PLPPR4: variants seen among roughly 807,000 people sequenced by gnomAD.
The protein encoded by PLPPR4 is phospholipid phosphatase related 4, also known as phospholipid phosphatase-related protein type 4.
A neutral mutation model predicts 56.6 loss-of-function variants in PLPPR4; 24 were observed. That is an observed-to-expected ratio of 0.42 (90% CI 0.31 to 0.60). The LOEUF is 0.60. Among genes scored for constraint, PLPPR4 ranks in the 20% least tolerant of loss-of-function variants. The pLI is 0.13. For missense variants in PLPPR4, 654 were observed against 885.8 expected, an observed-to-expected ratio of 0.74 and a Z score of 3.32; for synonymous variants, 326 against 328.1, an observed-to-expected ratio of 0.99 and a Z score of 0.07.
chr1:99,288,122 G>C lies in PLPPR4; in HGVS notation c.236G>C (p.Ser79Thr), dbSNP rs752652696. 12 of 1,613,258 alleles carry C rather than the reference G, an allele frequency of 7.4e-6. No individual in the cohort carries two copies. Among genetic ancestry groups the C allele is most frequent in the Non-Finnish European group, 9.3e-6 (11 of 1,179,676 alleles). The change falls in exon 2 of 7, where the codon AGC becomes ACC. Residue 79 changes from serine (S) to threonine (T), a missense_variant. By Grantham distance (58) the Ser-to-Thr change is moderately conservative. This residue lies in a region of PLPPR4 where 186 missense variants were observed against 331.4 expected (regional missense o/e 0.56). Transcript: ENST00000370185. Reference sequence around the variant, plus strand: ...GCAATTCCATTCCTCATGTTGCTTAGCTTGGCTTTTGCTGGACCTGCAATT... The same window carrying C: ...GCAATTCCATTCCTCATGTTGCTTACCTTGGCTTTTGCTGGACCTGCAATT... Reference protein sequence around the residue: ...QEAIPFLMLLSLAFAGPAITI... With the variant: ...QEAIPFLMLLTLAFAGPAITI...
At chr1:99,297,306 A>G (rs892684560) in intron 3 of PLPPR4, among the ~76,000 whole-genome samples, 1 of 152,138 alleles carries the variant, frequency 6.6e-6, no homozygotes, top group African/African-American at 2.4e-5. Flanking sequence ...ACACTTTGAA[A>G]TGTCACTATT....
At position 99,309,562 on chromosome 1, in the gene PLPPR4, A is replaced by C. The variant is rs1313140072; in HGVS notation, c.*2552A>C. 6.6e-6 allele frequency: 1 copy of C among 152,616 alleles called. No individual in the cohort carries two copies. 9.5% of individuals were successfully genotyped at this position (152,616 alleles called of 1,614,324 possible). ...ATATTGTGCTAAAATCATAGAAATA[A>C]AGATTAGATTTCTTCATCAAAATTG... On this transcript the variant is annotated 3_prime_UTR_variant, in exon 7 of 7. Coordinates refer to ENST00000370185, the MANE Select transcript of PLPPR4 (RefSeq NM_014839.5).
In PLPPR4 at chr1:99,264,522, G is replaced by A; in HGVS notation, c.-72G>A. 6.4e-7 allele frequency: 1 copy of A among 1,550,432 alleles called. No homozygotes were observed. The highest frequency in any genetic ancestry group is 8.7e-7 in the Non-Finnish European group (1 of 1,147,394). On this transcript the variant is annotated 5_prime_UTR_variant, in exon 1 of 7. Coordinates refer to ENST00000370185, the MANE Select transcript of PLPPR4 (RefSeq NM_014839.5). ...CGGCGCCGGGCGCTTGGGGCTGGAG[G>A]AGGCAGCTCGCCTCAGCTGCGCTGT... is the stretch of plus-strand genomic sequence containing the variant.
At chr1:99,263,146 C>A (rs184897676), upstream of PLPPR4, among the ~76,000 whole-genome samples, 253 of 152,184 alleles carry the variant, frequency 1.7e-3, no homozygotes, top group African/African-American at 5.9e-3. Context: ...GTGGGGGCAA[C>A]TCCAGGACCT....
intron 1 of PLPPR4, among the ~76,000 whole-genome samples, chr1:99,273,727 T>A (rs1173898755): frequency 6.6e-6 from 1 of 152,136 alleles, no homozygotes; most frequent in African/African-American, 2.4e-5. Flanking sequence ...AATGGAATCA[T>A]CACTGGCATA....
rs36036890 is a variant in PLPPR4, at chr1:99,265,144, G to GCC, written c.78+484_78+485dup. 1.0e-3 allele frequency among the ~76,000 whole-genome samples: 142 copies of GCC among 140,878 alleles called. 2 individuals carry two copies. The Middle Eastern group carries it at 0.011, about 11-fold the overall frequency. The allele number at this position is 140,878 out of a possible 152,430, so 92.4% of individuals were successfully genotyped here. A position where few individuals can be genotyped will look rare whatever the true frequency, so the allele number is the denominator to read the frequency against. On this transcript the variant is annotated intron_variant, in intron 1 of 6. Coordinates refer to ENST00000370185, the MANE Select transcript of PLPPR4 (RefSeq NM_014839.5). ...ATTGTTAATTGCTTTTATTGCTCCT[G>GCC]CCCCCCCCCCCCAAATCCTTCTCCT...
intron 1 of PLPPR4, among the ~76,000 whole-genome samples, chr1:99,277,382 G>T (rs1437435641): frequency 6.6e-6 from 1 of 152,186 alleles, no homozygotes; most frequent in African/African-American, 2.4e-5. Context: ...TAATGTTTCA[G>T]TCAGAATTGT....
In PLPPR4 at chr1:99,306,627, C is replaced by T. The variant is rs1486177221; in HGVS notation, c.1765C>T (p.Pro589Ser). 2 of 1,614,070 alleles carry T rather than the reference C, an allele frequency of 1.2e-6. No individual in the cohort carries two copies. Among genetic ancestry groups the T allele is most frequent in the East Asian group, 2.2e-5 (1 of 44,842 alleles). ...PENNRPIIQI[P>S]STEGEGSGSW... ...GAACAACAGGCCCATCATACAGATC[C>T]CGTCCACTGAAGGTGAAGGCAGTGG... The change falls in exon 7 of 7, where the codon CCG becomes TCG. Residue 589 changes from proline (P) to serine (S), a missense_variant. This residue lies in a region of PLPPR4 where 468 missense variants were observed against 554.3 expected (regional missense o/e 0.84). Coordinates refer to ENST00000370185, the MANE Select transcript of PLPPR4 (RefSeq NM_014839.5). This position sits in a 1 kb window ranked among gnomAD's most constrained non-coding sequence, Gnocchi z 4.0.
At chr1:99,284,257 G>C (rs757650039) in intron 1 of PLPPR4, among the ~76,000 whole-genome samples, 1 of 152,062 alleles carries the variant, frequency 6.6e-6, no homozygotes, top group Non-Finnish European at 1.5e-5. Context: ...AATTATGTTA[G>C]AAATAAACAT....
At chr1:99,266,052 T>C (rs546336596) in intron 1 of PLPPR4, among the ~76,000 whole-genome samples, 3 of 152,246 alleles carry the variant, frequency 2.0e-5, no homozygotes, top group East Asian at 3.9e-4. Context: ...TTTGGGAACA[T>C]GGTTTAGGTA....
intron 2 of PLPPR4, among the ~76,000 whole-genome samples, chr1:99,288,488 A>G (rs1659529615): frequency 6.6e-6 from 1 of 151,446 alleles, no homozygotes; most frequent in Non-Finnish European, 1.5e-5. Context: ...GTGTTTATTT[A>G]GTATCTGAAG....
At chr1:99,278,753 G>T (rs566138693) in intron 1 of PLPPR4, among the ~76,000 whole-genome samples, 8 of 152,206 alleles carry the variant, frequency 5.3e-5, no homozygotes, top group African/African-American at 1.7e-4. Context: ...CATTATTTTT[G>T]ACTTTACTGT....
At chr1:99,269,949 T>C (rs1031742098) in intron 1 of PLPPR4, among the ~76,000 whole-genome samples, 2 of 152,036 alleles carry the variant, frequency 1.3e-5, no homozygotes, top group Non-Finnish European at 2.9e-5. Flanking sequence ...CAATTCAGAA[T>C]ATTTTAATCT....
Position 99,306,447 on chromosome 1 carries a change from A to G in PLPPR4, c.1585A>G (p.Met529Val). ...CNRSNSQPRI[M>V]QVIAMSKQQG... The stretch of plus-strand genomic sequence containing the variant: ...CAGAAGCAACAGCCAGCCCCGAATC[A>G]TGCAAGTCATAGCCATGTCCAAGCA... The change falls in exon 7 of 7, where the codon ATG (methionine) becomes GTG (valine). Residue 529 changes from methionine (M) to valine (V), a missense_variant. Coordinates refer to ENST00000370185, the MANE Select transcript of PLPPR4 (RefSeq NM_014839.5). The surrounding 1 kb of genome is among the most constrained non-coding windows in gnomAD (Gnocchi z 4.0). The G allele has an allele frequency of 6.2e-7, 1 of 1,614,234 alleles. No individual in the cohort carries two copies. Among genetic ancestry groups the G allele is most frequent in the Non-Finnish European group, 8.5e-7 (1 of 1,180,044 alleles).
At chr1:99,304,520 C>T (rs777125345) in intron 6 of PLPPR4, among the ~76,000 whole-genome samples, 1 of 152,102 alleles carries the variant, frequency 6.6e-6, no homozygotes, top group Non-Finnish European at 1.5e-5. Context: ...AATTTAAGTA[C>T]AATTATTAAT....
chr1:99,279,272 TG>T (rs1379420084), intron 1 of PLPPR4, among the ~76,000 whole-genome samples: 1 of 152,146 alleles, frequency 6.6e-6, no homozygotes, highest in Admixed American at 6.6e-5. Context: ...TATCTCTGTA[TG>T]GTCAGAGAAA....
chr1:99,301,710 C>G lies in PLPPR4; in HGVS notation c.649-14C>G. 1 of 1,588,136 alleles carries G rather than the reference C, an allele frequency of 6.3e-7. No individual in the cohort carries two copies. On this transcript the variant is annotated splice_polypyrimidine_tract_variant and intron_variant, in intron 5 of 6. Coordinates refer to ENST00000370185, the MANE Select transcript of PLPPR4 (RefSeq NM_014839.5). ...CCTTTCTAACATACTTAACCCATTT[C>G]TTCCATTTTTAAGATGTACTTCAAT...
intron 2 of PLPPR4, among the ~76,000 whole-genome samples, chr1:99,294,095 A>G (rs867890101): frequency 3.7e-5 from 4 of 109,022 alleles, no homozygotes; most frequent in African/African-American, 1.4e-4. Flanking sequence ...ACACTGTGCC[A>G]TTCAAAAAAA....
At chr1:99,301,691 T>C in intron 5 of PLPPR4, 33 bp from the exon 6 acceptor site, 1 of 1,517,034 alleles carries the variant, frequency 6.6e-7, no homozygotes, top group East Asian at 2.3e-5. Flanking sequence ...ATGGCCTTTC[T>C]AACATACTTA....
Sources: gnomAD v4.1 joint callset for allele counts (sites outside exome capture counted in the v4.1 genomes callset) on GRCh38, gnomAD v4.1.1 for gene constraint, gnomAD v4.1.1 regional missense constraint, Gnocchi (gnomAD v3.1) non-coding constraint, MANE v1.5 for transcripts, NCBI Gene and HGNC (gene_info 2026-07-23, HGNC 2026-07-21) for gene names.